The following ARB2A variants were observed in gnomAD, a reference collection of about 807,000 sequenced individuals.
The protein encoded by ARB2A is cotranscriptional regulator ARB2A.
At chr5:93,807,586 T>C in the ARB2A span, among the ~76,000 whole-genome samples, 1 of 151,914 alleles carries the variant, frequency 6.6e-6, no homozygotes, top group Non-Finnish European at 1.5e-5. Flanking sequence ...TATATAAAGT[T>C]AGTAAAGACA....
the ARB2A span, among the ~76,000 whole-genome samples, chr5:93,677,364 A>T: frequency 6.6e-6 from 1 of 152,226 alleles, no homozygotes; most frequent in Non-Finnish European, 1.5e-5. Context: ...CCCTCTGTTA[A>T]GGGCTGTAAA....
At chr5:94,082,771 T>C in the ARB2A span, among the ~76,000 whole-genome samples, 1 of 152,180 alleles carries the variant, frequency 6.6e-6, no homozygotes, top group Non-Finnish European at 1.5e-5. Context: ...TTCATGTTTG[T>C]ATATTTAAAT....
At chr5:94,036,466 T>A in the ARB2A span, among the ~76,000 whole-genome samples, 1 of 152,178 alleles carries the variant, frequency 6.6e-6, no homozygotes. Context: ...TATTGGCAAT[T>A]TCTCCTTTAA....
At chr5:93,793,659 T>C in the ARB2A span, among the ~76,000 whole-genome samples, 1 of 152,180 alleles carries the variant, frequency 6.6e-6, no homozygotes, top group Admixed American at 6.5e-5. Context: ...TAGAGTAATG[T>C]CTGGTTTCAT....
chr5:94,107,079 A>C, the ARB2A span, among the ~76,000 whole-genome samples: 2 of 152,106 alleles, frequency 1.3e-5, no homozygotes, highest in Non-Finnish European at 1.5e-5. Flanking sequence ...GAAAGGAATA[A>C]AAGTTTAAAA....
chr5:93,872,259 T>A, the ARB2A span, among the ~76,000 whole-genome samples: 1 of 152,120 alleles, frequency 6.6e-6, no homozygotes, highest in East Asian at 1.9e-4. Flanking sequence ...CACTGGTTGT[T>A]TTCATACACA....
chr5:93,827,371 T>C, the ARB2A span, among the ~76,000 whole-genome samples: 1 of 152,236 alleles, frequency 6.6e-6, no homozygotes, highest in African/African-American at 2.4e-5. Context: ...TTTTCATGTG[T>C]CTTTTGGCTG....
At chr5:93,993,866 A>G in the ARB2A span, among the ~76,000 whole-genome samples, 1 of 151,494 alleles carries the variant, frequency 6.6e-6, no homozygotes, top group Admixed American at 6.6e-5. Flanking sequence ...AGATTCAAAA[A>G]TAGAAAATCA....
the ARB2A span, among the ~76,000 whole-genome samples, chr5:93,871,397 A>G: frequency 6.6e-6 from 1 of 152,326 alleles, no homozygotes; most frequent in South Asian, 2.1e-4. Context: ...ATGAGTATAA[A>G]ATGTGTTCTA....
At chr5:93,972,691 C>G in the ARB2A span, among the ~76,000 whole-genome samples, 1 of 152,086 alleles carries the variant, frequency 6.6e-6, no homozygotes, top group East Asian at 1.9e-4. Flanking sequence ...TGAAATCCAA[C>G]ATGAAGAAAT....
the ARB2A span, among the ~76,000 whole-genome samples, chr5:93,656,517 G>A: frequency 9.8e-4 from 149 of 152,050 alleles, no homozygotes; most frequent in Non-Finnish European, 1.1e-3. Flanking sequence ...GTATTCTCAC[G>A]AAAAAGCTCT....
chr5:94,053,644 C>A, the ARB2A span, among the ~76,000 whole-genome samples: 1 of 152,018 alleles, frequency 6.6e-6, no homozygotes, highest in African/African-American at 2.4e-5. Context: ...CATATTATTC[C>A]ATTTTTAGGG....
chr5:93,631,087 G>A, the ARB2A span, among the ~76,000 whole-genome samples: 1 of 151,942 alleles, frequency 6.6e-6, no homozygotes, highest in South Asian at 2.1e-4. Context: ...GTTTCTCCAT[G>A]TTGGTCAGGC....
the ARB2A span, among the ~76,000 whole-genome samples, chr5:93,718,249 C>T: frequency 2.0e-5 from 3 of 151,966 alleles, no homozygotes; most frequent in Non-Finnish European, 4.4e-5. Flanking sequence ...AGACCATCCT[C>T]GCTAACATGG....
the ARB2A span, among the ~76,000 whole-genome samples, chr5:94,097,088 C>T: frequency 1.3e-5 from 2 of 152,148 alleles, no homozygotes; most frequent in Admixed American, 1.3e-4. Flanking sequence ...TACAGTGGAG[C>T]ACAGCCAGGG....
At chr5:93,875,533 C>T in the ARB2A span, among the ~76,000 whole-genome samples, 2 of 151,982 alleles carry the variant, frequency 1.3e-5, no homozygotes, top group South Asian at 2.1e-4. Context: ...AACCCAGCCT[C>T]GGACTGCATT....
At chr5:94,036,776 C>T in the ARB2A span, among the ~76,000 whole-genome samples, 1 of 152,210 alleles carries the variant, frequency 6.6e-6, no homozygotes, top group South Asian at 2.1e-4. Context: ...ATCCCCATTT[C>T]ATGGCACTCA....
At chr5:94,103,273 C>T in the ARB2A span, among the ~76,000 whole-genome samples, 2 of 151,854 alleles carry the variant, frequency 1.3e-5, no homozygotes, top group Non-Finnish European at 1.5e-5. Flanking sequence ...TTCAACAGAC[C>T]CCTCTCACAT....
chr5:94,057,108 T>C, the ARB2A span, among the ~76,000 whole-genome samples: 1 of 152,232 alleles, frequency 6.6e-6, no homozygotes, highest in Non-Finnish European at 1.5e-5. Flanking sequence ...TGAACTTTAC[T>C]GTCAGCTCTC....
Sources: allele counts gnomAD v4.1 joint callset (sites outside exome capture counted in the v4.1 genomes callset), GRCh38; gene constraint gnomAD v4.1.1; transcripts MANE v1.5; gene names NCBI Gene and HGNC (gene_info 2026-07-23, HGNC 2026-07-21).